FSTL5: variants seen among roughly 807,000 people sequenced by gnomAD.
The protein encoded by FSTL5 is follistatin-related protein 5.
Under a neutral mutation model 89.1 loss-of-function variants are expected in FSTL5, and 62 were observed. The ratio of observed to expected loss-of-function variants is 0.70; its 90% CI spans 0.57 to 0.86. The LOEUF (loss-of-function observed/expected upper bound fraction) is 0.86. Among genes scored for constraint, FSTL5 ranks in the 40% least tolerant of loss-of-function variants. The pLI, the probability that FSTL5 is intolerant of heterozygous loss-of-function variation, is 0.00. For missense variants in FSTL5, 1,057 were observed against 1,001.6 expected (o/e 1.06, Z -0.75); for synonymous variants, 383 against 346.2 (o/e 1.11, Z -1.18).
chr4:161,930,502 A>C, intron 3 of FSTL5, among the ~76,000 whole-genome samples: 1 of 149,630 alleles, frequency 6.7e-6, no homozygotes, highest in East Asian at 2.0e-4. Flanking sequence ...TCATTTTTAA[A>C]GCTTTTTTTT....
At chr4:161,885,324 C>A (rs921138584) in intron 4 of FSTL5, among the ~76,000 whole-genome samples, 29 of 152,010 alleles carry the variant, frequency 1.9e-4, no homozygotes, top group Admixed American at 6.6e-4. Flanking sequence ...TCAATACATT[C>A]TTGATGGTAT....
intron 6 of FSTL5, among the ~76,000 whole-genome samples, chr4:161,740,222 G>A (rs1258654531): frequency 6.6e-6 from 1 of 151,970 alleles, no homozygotes; most frequent in Non-Finnish European, 1.5e-5. Context: ...GTTTCACCAT[G>A]TTGGCCAACC....
intron 3 of FSTL5, among the ~76,000 whole-genome samples, chr4:161,988,636 T>C (rs908854627): frequency 2.0e-5 from 3 of 152,074 alleles, no homozygotes; most frequent in Admixed American, 1.3e-4. Flanking sequence ...TGATAAAAAT[T>C]GAAAATGTAT....
chr4:162,105,293 T>A (rs78623662), intron 2 of FSTL5, among the ~76,000 whole-genome samples: 21,448 of 152,174 alleles, frequency 0.14, 1,992 homozygotes, highest in Non-Finnish European at 0.19. Context: ...AATTATAGCC[T>A]CCATACTGTA....
At chr4:161,890,141 T>C (rs1732940659) in intron 4 of FSTL5, among the ~76,000 whole-genome samples, 1 of 152,166 alleles carries the variant, frequency 6.6e-6, no homozygotes, top group Non-Finnish European at 1.5e-5. Context: ...AGTCAGTCTA[T>C]ATAGCATCTT....
intron 1 of FSTL5, among the ~76,000 whole-genome samples, chr4:162,146,618 C>T (rs1401073829): frequency 6.6e-6 from 1 of 151,242 alleles, no homozygotes; most frequent in Admixed American, 6.6e-5. Flanking sequence ...TTACTATTAA[C>T]TGAGGCACAC....
intron 7 of FSTL5, among the ~76,000 whole-genome samples, chr4:161,638,293 G>C (rs1025638417): frequency 2.6e-5 from 4 of 151,650 alleles, no homozygotes; most frequent in Admixed American, 2.6e-4. Flanking sequence ...AAGAATGCTT[G>C]TGATTTTTGT....
At chr4:161,785,490 C>A (rs976248172) in intron 4 of FSTL5, among the ~76,000 whole-genome samples, 7 of 152,134 alleles carry the variant, frequency 4.6e-5, no homozygotes, top group Non-Finnish European at 8.8e-5. Context: ...CTGTCTAAAT[C>A]TCATGGTTTT....
At position 161,642,771 on chromosome 4, in the gene FSTL5, C is replaced by T. The variant is rs569065244; in HGVS notation, c.894+13557G>A. ...GTATGCAAAATCAGACAGAAAGCAG[C>T]ATGGTGGTTCCCAGGAGTGGAGAGG... On this transcript the variant is annotated intron_variant, in intron 7 of 15. Transcript: ENST00000306100. Among the ~76,000 whole-genome samples, 512 of 148,828 alleles carry T rather than the reference C, an allele frequency of 3.4e-3. 2 individuals carry two copies. The highest frequency in any genetic ancestry group is 5.4e-3 in the Non-Finnish European group (365 of 67,428).
chr4:161,633,596 C>T (rs377100837), intron 7 of FSTL5, among the ~76,000 whole-genome samples: 3 of 152,014 alleles, frequency 2.0e-5, no homozygotes, highest in Non-Finnish European at 4.4e-5. Flanking sequence ...CCGCCTGCCT[C>T]GGCCTCCCAA....
chr4:161,700,270 C>T (rs188624498), intron 6 of FSTL5, among the ~76,000 whole-genome samples: 30 of 152,256 alleles, frequency 2.0e-4, no homozygotes, highest in African/African-American at 6.0e-4. Context: ...GAGTCACACA[C>T]ATCTAATATA....
intron 4 of FSTL5, among the ~76,000 whole-genome samples, chr4:161,848,028 C>T (rs1177217307): frequency 9.4e-6 from 1 of 106,724 alleles, no homozygotes; most frequent in African/African-American, 3.5e-5. Context: ...AAGAGCAAGA[C>T]TCCGTCTCAA....
intron 3 of FSTL5, among the ~76,000 whole-genome samples, chr4:161,936,226 G>A (rs1734428591): frequency 6.6e-6 from 1 of 151,452 alleles, no homozygotes; most frequent in Non-Finnish European, 1.5e-5. Context: ...AATAAAGAAA[G>A]CAATGAAAGT....
chr4:161,858,202 GA>G (rs1731782473), intron 4 of FSTL5, among the ~76,000 whole-genome samples: 1 of 152,064 alleles, frequency 6.6e-6, no homozygotes, highest in African/African-American at 2.4e-5. Flanking sequence ...TAGCAGTCTG[GA>G]ACCCAGAATA....
intron 6 of FSTL5, among the ~76,000 whole-genome samples, chr4:161,672,331 C>T (rs184506189): frequency 1.3e-5 from 2 of 152,216 alleles, no homozygotes; most frequent in Admixed American, 6.5e-5. Context: ...TGACAGTTTA[C>T]GACCCAAGAA....
At chr4:161,700,922 G>A (rs1426615289) in intron 6 of FSTL5, among the ~76,000 whole-genome samples, 1 of 152,046 alleles carries the variant, frequency 6.6e-6, no homozygotes, top group East Asian at 1.9e-4. Flanking sequence ...AATGTAGTTT[G>A]GAGCTTCTCA....
intron 10 of FSTL5, among the ~76,000 whole-genome samples, chr4:161,536,723 T>A (rs1731631572): frequency 6.6e-6 from 1 of 152,160 alleles, no homozygotes; most frequent in African/African-American, 2.4e-5. Flanking sequence ...GTATGATTTG[T>A]TGACTAAGGG....
chr4:161,620,601 A>C (rs1735087455), intron 7 of FSTL5, among the ~76,000 whole-genome samples: 1 of 152,184 alleles, frequency 6.6e-6, no homozygotes, highest in East Asian at 1.9e-4. Context: ...GGTTGAGATG[A>C]GCCGAGATCG....
chr4:161,957,908 T>TG (rs1735068662), intron 3 of FSTL5, among the ~76,000 whole-genome samples: 1 of 152,074 alleles, frequency 6.6e-6, no homozygotes, highest in Non-Finnish European at 1.5e-5. Flanking sequence ...TGATTTATAG[T>TG]GTTTTCAAAT....
Sources: gnomAD v4.1 joint callset for allele counts (sites outside exome capture counted in the v4.1 genomes callset) on GRCh38, gnomAD v4.1.1 for gene constraint, MANE v1.5 for transcripts, NCBI Gene and HGNC (gene_info 2026-07-23, HGNC 2026-07-21) for gene names.